Variants in SUCO observed in about 807,000 individuals in gnomAD.
SUCO encodes the protein SUN domain containing ossification factor, also known as SUN domain-containing ossification factor.
SUCO carries 57 observed loss-of-function variants against 148.1 expected under a neutral mutation model. That is an observed-to-expected ratio of 0.38 (90% CI 0.31 to 0.48). The LOEUF is 0.48. Ranked by LOEUF, SUCO falls within the 20% of genes least tolerant of loss-of-function variation. The pLI, the probability that SUCO is intolerant of heterozygous loss-of-function variation, is 0.96. For missense variants in SUCO, 1,331 were observed against 1,468.2 expected (o/e 0.91, Z 1.53); for synonymous variants, 470 against 502.7 (o/e 0.93, Z 0.87).
At chr1:172,551,671 T>A in intron 2 of SUCO, 45 bp downstream of exon 2, 1 of 1,228,288 alleles carries the variant, frequency 8.1e-7, no homozygotes, top group Non-Finnish European at 1.2e-6. Context: ...GTCAGCTTTC[T>A]GAGAGTGTCT....
chr1:172,610,166 G>A lies in SUCO; in HGVS notation c.3672G>A (p.Ser1224=), dbSNP rs374875999. The change falls in exon 24 of 24, where the codon TCG becomes TCA. Residue 1224 remains serine (S), a synonymous_variant. Transcript: ENST00000263688. ...TAAAAACTCTAATACAGACTAAGTCGGGATCATTGCCGAGCCTGCATGACA... is the reference window on the plus strand; with the variant it reads ...TAAAAACTCTAATACAGACTAAGTCAGGATCATTGCCGAGCCTGCATGACA... ...KLIKTLIQTK[S]GSLPSLHDII... The A allele has an allele frequency of 9.9e-5, 160 of 1,613,416 alleles. No homozygotes were observed. Among genetic ancestry groups the A allele is most frequent in the Middle Eastern group, 4.9e-4 (3 of 6,084 alleles).
At chr1:172,568,961 A>C in intron 6 of SUCO, 58 bp from the exon 7 acceptor site, 1 of 1,426,570 alleles carries the variant, frequency 7.0e-7, no homozygotes, top group Non-Finnish European at 9.4e-7. Context: ...TTTATTTCTA[A>C]AATTTATTTG....
At chr1:172,532,781 G>A (rs752800407), upstream of SUCO, 10 of 1,611,392 alleles carry the variant, frequency 6.2e-6, no homozygotes, top group Admixed American at 1.5e-4. Context: ...CGCGGACTCA[G>A]CGCGCGAGGG....
rs374875999 is a variant in SUCO, at chr1:172,610,166, G to T, written c.3672G>T (p.Ser1224=). Residue 1224 remains serine (S), a synonymous_variant, in exon 24 of 24, where the codon TCG becomes TCT. Transcript: ENST00000263688. Reference sequence around the variant, plus strand: ...TAAAAACTCTAATACAGACTAAGTCGGGATCATTGCCGAGCCTGCATGACA... The same window carrying T: ...TAAAAACTCTAATACAGACTAAGTCTGGATCATTGCCGAGCCTGCATGACA... ...KLIKTLIQTK[S]GSLPSLHDII... The T allele has an allele frequency of 6.2e-6, 10 of 1,613,534 alleles. No homozygotes were observed. The highest frequency in any genetic ancestry group is 8.5e-6 in the Non-Finnish European group (10 of 1,179,812).
chr1:172,533,316 G>A lies in SUCO; in HGVS notation c.-120G>A, dbSNP rs759366990. On this transcript the variant is annotated 5_prime_UTR_variant, in exon 1 of 24. Coordinates refer to ENST00000263688, the MANE Select transcript of SUCO (RefSeq NM_014283.5). ...GAGGAGCCGCTCAGCCAGCGCCATA[G>A]CCCTTAGGACTATCGGTCACATTCT... is the stretch of plus-strand genomic sequence containing the variant. 2 of 1,551,076 alleles carry A rather than the reference G, an allele frequency of 1.3e-6. No individual in the cohort carries two copies. Among genetic ancestry groups the A allele is most frequent in the Non-Finnish European group, 1.7e-6 (2 of 1,146,966 alleles).
At chr1:172,582,834 A>G (rs2149255733) in intron 15 of SUCO, among the ~76,000 whole-genome samples, 2 of 152,286 alleles carry the variant, frequency 1.3e-5, no homozygotes, top group South Asian at 4.1e-4. Context: ...GTTTCCTGAA[A>G]TGATGATAAT....
Position 172,551,525 on chromosome 1 carries a change from C to T in SUCO, c.76C>T (p.Arg26Cys), listed in dbSNP as rs201186467. Residue 26 changes from arginine to cysteine, a missense_variant, in exon 2 of 24, where the codon CGT (arginine) becomes TGT (cysteine). Physicochemically the swap from Arg to Cys is radical, Grantham distance 180. Transcript: ENST00000263688. ...LCSLVWLPSW[R>C]VCCKESSSAS... ...GGTGTTTTACAGGCTTCCCAGCTGGCGTGTATGTTGTAAAGAGAGTTCTTC... is the reference window on the plus strand; with the variant it reads ...GGTGTTTTACAGGCTTCCCAGCTGGTGTGTATGTTGTAAAGAGAGTTCTTC... 1.4e-4 allele frequency: 221 copies of T among 1,603,260 alleles called. No individual in the cohort carries two copies. The highest frequency in any genetic ancestry group is 1.7e-4 in the Non-Finnish European group (200 of 1,174,484).
chr1:172,595,347 G>A (rs936627879), intron 19 of SUCO, among the ~76,000 whole-genome samples: 15 of 152,160 alleles, frequency 9.9e-5, no homozygotes, highest in South Asian at 2.1e-4. Flanking sequence ...TATTTTGCTC[G>A]TTAGTTCATG....
chr1:172,542,405 C>T (rs1197318870), intron 1 of SUCO, among the ~76,000 whole-genome samples: 1 of 151,994 alleles, frequency 6.6e-6, no homozygotes, highest in Non-Finnish European at 1.5e-5. Flanking sequence ...AAAAAGTTGG[C>T]TGGAGTTATC....
At position 172,604,344 on chromosome 1, in the gene SUCO, G is replaced by A. The variant is rs114203042; in HGVS notation, c.3265+1557G>A. 7.2e-3 allele frequency among the ~76,000 whole-genome samples: 1,101 copies of A among 151,962 alleles called. 9 individuals carry two copies. The highest frequency in any genetic ancestry group is 0.025 in the African/African-American group (1,048 of 41,516). On this transcript the variant is annotated intron_variant, in intron 22 of 23. Transcript: ENST00000263688. ...TTACCAGTAAAGAAAGTTGAGTAGAGTAGGTAGGAGACTGACTTTAGTCCT... is the reference window on the plus strand; with the variant it reads ...TTACCAGTAAAGAAAGTTGAGTAGAATAGGTAGGAGACTGACTTTAGTCCT...
Position 172,533,415 on chromosome 1 carries a change from A to T in SUCO, c.-21A>T, listed in dbSNP as rs1296181887. 4.5e-6 allele frequency: 7 copies of T among 1,554,612 alleles called. No individual in the cohort carries two copies. The highest frequency in any genetic ancestry group is 1.4e-5 in the African/African-American group (1 of 73,234). On this transcript the variant is annotated 5_prime_UTR_variant, in exon 1 of 24. Coordinates refer to ENST00000263688, the MANE Select transcript of SUCO (RefSeq NM_014283.5). The stretch of plus-strand genomic sequence containing the variant: ...CCGGGAGGATGTGCCGCCTTCTGGC[A>T]GGGGGAAGAAGGAGGAGAAGATGAA...
At chr1:172,533,071 T>C (rs969792096), upstream of SUCO, 11 of 1,429,420 alleles carry the variant, frequency 7.7e-6, no homozygotes, top group Non-Finnish European at 1.0e-5. Flanking sequence ...CCGCCGGCGA[T>C]TGGCTGTTGA....
At chr1:172,539,974 C>T (rs1383809226) in intron 1 of SUCO, among the ~76,000 whole-genome samples, 2 of 152,098 alleles carry the variant, frequency 1.3e-5, no homozygotes, top group Non-Finnish European at 2.9e-5. Flanking sequence ...GGTTGTAGTT[C>T]TTTCTTTTCA....
In SUCO at chr1:172,557,431, G is replaced by C. The variant is rs1003047241; in HGVS notation, c.581+14G>C. On this transcript the variant is annotated intron_variant, in intron 5 of 23. Coordinates refer to ENST00000263688, the MANE Select transcript of SUCO (RefSeq NM_014283.5). ...TCCACCTGACAGGTGGGTAGGAGCA[G>C]TTGTTTGTCCTTCTTATGATTCTGT... 3.7e-6 allele frequency: 6 copies of C among 1,613,658 alleles called. No individual in the cohort carries two copies. The highest frequency in any genetic ancestry group is 5.1e-6 in the Non-Finnish European group (6 of 1,179,732).
At chr1:172,555,557 C>G (rs1653677765) in intron 3 of SUCO, among the ~76,000 whole-genome samples, 1 of 152,082 alleles carries the variant, frequency 6.6e-6, no homozygotes, top group Non-Finnish European at 1.5e-5. Flanking sequence ...TTCTTTGTTG[C>G]TACTATCATT....
At chr1:172,608,647 T>A in intron 22 of SUCO, 100 bp from the exon 23 acceptor site, 2 of 816,418 alleles carry the variant, frequency 2.4e-6, no homozygotes, top group Non-Finnish European at 4.2e-6. Context: ...TAGAGGATAA[T>A]AAGGAATGAA....
chr1:172,553,816 C>T (rs1653501661), intron 3 of SUCO, among the ~76,000 whole-genome samples: 1 of 152,020 alleles, frequency 6.6e-6, no homozygotes, highest in African/African-American at 2.4e-5. Context: ...CTTTTTCTCT[C>T]ATATTACATT....
Position 172,589,943 on chromosome 1 carries a change from A to G in SUCO, c.2825+17A>G, listed in dbSNP as rs1333796420. 5 of 1,508,146 alleles carry G rather than the reference A, an allele frequency of 3.3e-6. No individual in the cohort carries two copies. The highest frequency in any genetic ancestry group is 4.5e-5 in the Admixed American group (2 of 44,268). 93.4% of individuals were successfully genotyped at this position (1,508,146 alleles called of 1,614,324 possible). A position where few individuals can be genotyped will look rare whatever the true frequency, so the allele number is the denominator to read the frequency against. On this transcript the variant is annotated intron_variant, in intron 18 of 23. Coordinates refer to ENST00000263688, the MANE Select transcript of SUCO (RefSeq NM_014283.5). ...TAGCCAAAGGTAAGCTTTATTATGA[A>G]TTAGCACAGTCAGCTTCACACAGTG... is the stretch of plus-strand genomic sequence containing the variant.
At chr1:172,594,134 A>G (rs188314584) in intron 19 of SUCO, among the ~76,000 whole-genome samples, 1 of 151,762 alleles carries the variant, frequency 6.6e-6, no homozygotes, top group African/African-American at 2.4e-5. Flanking sequence ...CCCTTTATCA[A>G]TTTTTTTGCA....
Sources: gnomAD v4.1 joint callset for allele counts (sites outside exome capture counted in the v4.1 genomes callset) on GRCh38, gnomAD v4.1.1 for gene constraint, MANE v1.5 for transcripts, NCBI Gene and HGNC (gene_info 2026-07-23, HGNC 2026-07-21) for gene names.